FSIP2: variants seen among roughly 807,000 people sequenced by gnomAD.
The protein encoded by FSIP2 is fibrous sheath interacting protein 2.
FSIP2 carries 367 observed loss-of-function variants against 510.5 expected under a neutral mutation model. The ratio of observed to expected loss-of-function variants is 0.72; its 90% CI spans 0.66 to 0.78. The LOEUF (loss-of-function observed/expected upper bound fraction) is 0.78, where lower values mean the gene tolerates loss of function less well. FSIP2 is among the 30% of genes least tolerant of loss of function. The pLI, the probability that FSIP2 is intolerant of heterozygous loss-of-function variation, is 0.00. For missense variants in FSIP2, 7,594 were observed against 7,901.7 expected, an observed-to-expected ratio of 0.96 and a Z score of 1.48; for synonymous variants, 2,601 against 2,732.2, an observed-to-expected ratio of 0.95 and a Z score of 1.50.
intron 17 of FSIP2, among the ~76,000 whole-genome samples, chr2:185,809,768 A>T (rs1693687161): frequency 6.6e-6 from 1 of 151,952 alleles, no homozygotes; most frequent in African/African-American, 2.4e-5. Flanking sequence ...AACCAGCTGC[A>T]GTATTGCTGC....
Position 185,802,689 on chromosome 2 carries a change from C to T in FSIP2, c.13383C>T (p.Asn4461=). 2 of 1,529,152 alleles carry T rather than the reference C, an allele frequency of 1.3e-6. No individual in the cohort carries two copies. The highest frequency in any genetic ancestry group is 1.7e-4 in the Middle Eastern group (1 of 5,928). The allele number at this position is 1,529,152 out of a possible 1,614,324, so 94.7% of individuals were successfully genotyped here. A position where few individuals can be genotyped will look rare whatever the true frequency, so the allele number is the denominator to read the frequency against. The change falls in exon 17 of 23, where the codon AAC becomes AAT. Residue 4461 remains asparagine (N), a synonymous_variant. Coordinates refer to ENST00000424728, the MANE Select transcript of FSIP2 (RefSeq NM_173651.4). The stretch of plus-strand genomic sequence containing the variant: ...CAAGCCAGAGTGTACCTCTATATAA[C>T]ACCTTGCTGCCATACACATTTTTAG... ...TEPSQSVPLY[N]TLLPYTFLED... is the part of the protein sequence containing the mutation.
chr2:185,818,603 T>C (rs1693864563), intron 19 of FSIP2, among the ~76,000 whole-genome samples: 1 of 151,848 alleles, frequency 6.6e-6, no homozygotes, highest in Non-Finnish European at 1.5e-5. Flanking sequence ...ATAACCCTCA[T>C]AATATTATTA....
chr2:185,777,710 T>G (rs1692757569), intron 13 of FSIP2, among the ~76,000 whole-genome samples: 1 of 152,100 alleles, frequency 6.6e-6, no homozygotes, highest in Non-Finnish European at 1.5e-5. Flanking sequence ...ATCAATTCTA[T>G]CTATCGTGTG....
At chr2:185,821,945 C>G (rs1436770699) in intron 19 of FSIP2, among the ~76,000 whole-genome samples, 1 of 146,950 alleles carries the variant, frequency 6.8e-6, no homozygotes, top group Admixed American at 6.8e-5. Flanking sequence ...AAAAAAAAAT[C>G]GATGTAATAC....
intron 2 of FSIP2, among the ~76,000 whole-genome samples, chr2:185,741,734 A>G (rs1196865787): frequency 2.0e-5 from 3 of 152,228 alleles, no homozygotes; most frequent in Non-Finnish European, 4.4e-5. Context: ...CTTGGAAGGA[A>G]TTAAAGTTTA....
intron 17 of FSIP2, among the ~76,000 whole-genome samples, chr2:185,813,088 A>T (rs1300026406): frequency 6.6e-6 from 1 of 152,082 alleles, no homozygotes; most frequent in African/African-American, 2.4e-5. Flanking sequence ...TAAAGATTTT[A>T]AAACCATTAT....
At chr2:185,817,428 G>C (rs1220253492) in intron 19 of FSIP2, among the ~76,000 whole-genome samples, 4 of 151,972 alleles carry the variant, frequency 2.6e-5, no homozygotes, top group Non-Finnish European at 4.4e-5. Flanking sequence ...TCTGAAGAAG[G>C]AGCAGGAAGT....
chr2:185,800,161 ATAGAAG>A lies in FSIP2; in HGVS notation c.10860_10865del (p.Glu3620_Val3621del). On this transcript the variant is annotated inframe_deletion, in exon 17 of 23. Coordinates refer to ENST00000424728, the MANE Select transcript of FSIP2 (RefSeq NM_173651.4). ...AGTGATTCATGTACTGTCCAAAGAA[ATAGAAG>A]TAGATTATCACTTTGAAAGCAATGT... is the stretch of plus-strand genomic sequence containing the variant. The A allele has an allele frequency of 6.5e-7, 1 of 1,533,406 alleles. No homozygotes were observed. Among genetic ancestry groups the A allele is most frequent in the Non-Finnish European group, 8.7e-7 (1 of 1,145,428 alleles). The allele number at this position is 1,533,406 out of a possible 1,614,324, so 95.0% of individuals were successfully genotyped here. A position where few individuals can be genotyped will look rare whatever the true frequency, so the allele number is the denominator to read the frequency against.
intron 20 of FSIP2, among the ~76,000 whole-genome samples, 168 bp from the exon 21 acceptor site, chr2:185,827,988 T>A (rs373974251): frequency 6.6e-6 from 1 of 151,886 alleles, no homozygotes; most frequent in East Asian, 1.9e-4. Flanking sequence ...CTCTCACTTA[T>A]TTCAGTGTTG....
Position 185,788,904 on chromosome 2 carries a change from A to G in FSIP2, c.1768A>G (p.Thr590Ala). The G allele has an allele frequency of 6.5e-7, 1 of 1,535,146 alleles. No homozygotes were observed. Among genetic ancestry groups the G allele is most frequent in the Non-Finnish European group, 8.7e-7 (1 of 1,146,068 alleles). Residue 590 changes from threonine (T) to alanine (A), a missense_variant, in exon 16 of 23, where the codon ACG becomes GCG. Transcript: ENST00000424728. ...AGAACCCTGTGCATTTGTAGTTGAC[A>G]CGTCAGTAAGGAGACCAACCACACC... ...QAEPCAFVVD[T>A]SVRRPTTPIK...
chr2:185,830,456 G>T (rs1694086901), intron 21 of FSIP2, among the ~76,000 whole-genome samples: 1 of 151,784 alleles, frequency 6.6e-6, no homozygotes, highest in Non-Finnish European at 1.5e-5. Flanking sequence ...GTAGGGGATT[G>T]GTTCCAGGAA....
At position 185,791,402 on chromosome 2, in the gene FSIP2, C is replaced by A. The variant is rs1371458764; in HGVS notation, c.4266C>A (p.Asn1422Lys). 3 of 1,534,014 alleles carry A rather than the reference C, an allele frequency of 2.0e-6. No homozygotes were observed. The highest frequency in any genetic ancestry group is 2.6e-6 in the Non-Finnish European group (3 of 1,145,572). ...CTCACCACAGTGTCAATGGTGGAAA[C>A]CATATTAAAGAGAATGCAAAATTGC... is the stretch of plus-strand genomic sequence containing the variant. ...PCTHHSVNGG[N>K]HIKENAKLQV... Residue 1422 changes from asparagine (N) to lysine (K), a missense_variant, in exon 16 of 23, where the codon AAC (asparagine) becomes AAA (lysine). Transcript: ENST00000424728.
chr2:185,794,491 A>G lies in FSIP2; in HGVS notation c.7355A>G (p.Asn2452Ser), dbSNP rs1693219111. 6.6e-7 allele frequency: 1 copy of G among 1,522,382 alleles called. No individual in the cohort carries two copies. Among genetic ancestry groups the G allele is most frequent in the South Asian group, 1.2e-5 (1 of 80,928 alleles). The allele number at this position is 1,522,382 out of a possible 1,614,324, so 94.3% of individuals were successfully genotyped here. A position where few individuals can be genotyped will look rare whatever the true frequency, so the allele number is the denominator to read the frequency against. Residue 2452 changes from asparagine to serine, a missense_variant, in exon 16 of 23, where the codon AAC (asparagine) becomes AGC (serine). By Grantham distance (46) the Asn-to-Ser change is conservative. Transcript: ENST00000424728. The stretch of plus-strand genomic sequence containing the variant: ...TTTACAAAGTATCCATTAGAGCAAA[A>G]CCAAATGATATTGGAAAACAAAAGG... ...SLFTKYPLEQ[N>S]QMILENKRQI... is the part of the protein sequence containing the mutation.
intron 15 of FSIP2, chr2:185,787,930 T>G (rs1693027550): frequency 6.6e-6 from 1 of 151,596 alleles, no homozygotes; most frequent in South Asian, 2.1e-4. Flanking sequence ...CAATTTGTAT[T>G]TATTTGTATT....
Position 185,808,389 on chromosome 2 carries a change from G to A in FSIP2, c.19083G>A (p.Arg6361=). 1 of 1,610,736 alleles carries A rather than the reference G, an allele frequency of 6.2e-7. No individual in the cohort carries two copies. Among genetic ancestry groups the A allele is most frequent in the Non-Finnish European group, 8.5e-7 (1 of 1,178,864 alleles). ...VLALFLAKLI[R]LPSSSSKDEK... is the part of the protein sequence containing the mutation. ...CCTTGTTCTTGGCTAAACTAATAAG[G>A]TTGCCAAGTTCCTCAAGCAAAGATG... The change falls in exon 17 of 23, where the codon AGG becomes AGA. Residue 6361 remains arginine (R), a synonymous_variant. Coordinates refer to ENST00000424728, the MANE Select transcript of FSIP2 (RefSeq NM_173651.4).
In FSIP2 at chr2:185,795,765, G is replaced by T; in HGVS notation, c.8629G>T (p.Glu2877Ter). The T allele has an allele frequency of 6.5e-7, 1 of 1,533,368 alleles. No individual in the cohort carries two copies. The highest frequency in any genetic ancestry group is 1.2e-5 in the South Asian group (1 of 83,898). The allele number at this position is 1,533,368 out of a possible 1,614,324, so 95.0% of individuals were successfully genotyped here. A position where few individuals can be genotyped will look rare whatever the true frequency, so the allele number is the denominator to read the frequency against. ...AATTTCAATAAAAGCAAAAGAATTA[G>T]AATATTCTCTTTCACTTTTAAATTT... ...TEISIKAKELEYSLSLLNLPP... is the reference protein window; with the variant it reads ...TEISIKAKEL Residue 2877 changes from glutamate (E) to a stop codon, truncating the protein, a stop_gained, in exon 16 of 23, where the codon GAA (glutamate) becomes TAA (stop). Transcript: ENST00000424728. LOFTEE classifies it high-confidence loss of function.
In FSIP2 at chr2:185,797,294, T is replaced by TA. The variant is rs1559030497; in HGVS notation, c.10165dup (p.Ile3389AsnfsTer6). ...AAAAAAGTTTGCTTAGAATGCAGGA[T>TA]AAAAAAATCAACTATATACCTGAGG... On this transcript the variant is annotated frameshift_variant, in exon 16 of 23. Coordinates refer to ENST00000424728, the MANE Select transcript of FSIP2 (RefSeq NM_173651.4). LOFTEE classifies it high-confidence loss of function. 3.3e-6 allele frequency: 5 copies of TA among 1,532,270 alleles called. No individual in the cohort carries two copies. Among genetic ancestry groups the TA allele is most frequent in the Admixed American group, 2.0e-5 (1 of 50,196 alleles). The allele number at this position is 1,532,270 out of a possible 1,614,324, so 94.9% of individuals were successfully genotyped here. A position where few individuals can be genotyped will look rare whatever the true frequency, so the allele number is the denominator to read the frequency against.
rs1167724241 is a variant in FSIP2, at chr2:185,738,862, G to A, written c.-33G>A. ...GGTGCTAGAGAAGGAGAGCGGGGCG[G>A]GTGAGGAAGGGGCTGAGGGGGCTGT... On this transcript the variant is annotated 5_prime_UTR_variant, in exon 1 of 23. Transcript: ENST00000424728. The A allele has an allele frequency of 2.0e-6, 3 of 1,524,640 alleles. No individual in the cohort carries two copies. The highest frequency in any genetic ancestry group is 2.6e-6 in the Non-Finnish European group (3 of 1,141,898). 94.4% of individuals were successfully genotyped at this position (1,524,640 alleles called of 1,614,324 possible).
Position 185,766,863 on chromosome 2 carries a change from G to C in FSIP2, c.1411+2298G>C, listed in dbSNP as rs909341761. On this transcript the variant is annotated intron_variant, in intron 13 of 22. Coordinates refer to ENST00000424728, the MANE Select transcript of FSIP2 (RefSeq NM_173651.4). ...AAATCATGCTGCTATAAAGACACAC[G>C]CACACGTATGTTTATTGTGGCATTA... is the stretch of plus-strand genomic sequence containing the variant. 4.0e-4 allele frequency among the ~76,000 whole-genome samples: 50 copies of C among 124,402 alleles called. 2 individuals are homozygous for C. The Middle Eastern group carries it at 0.011, about 28-fold the overall frequency. 81.6% of individuals were successfully genotyped at this position (124,402 alleles called of 152,430 possible).
Sources: allele counts gnomAD v4.1 joint callset (sites outside exome capture counted in the v4.1 genomes callset), GRCh38; gene constraint gnomAD v4.1.1; transcripts MANE v1.5; gene names NCBI Gene and HGNC (gene_info 2026-07-23, HGNC 2026-07-21).